FCHSD2: variants seen among roughly 807,000 people sequenced by gnomAD.
The protein encoded by FCHSD2 is FCH and double SH3 domains 2, also known as F-BAR and double SH3 domains protein 2.
In FCHSD2, 38 loss-of-function variants were observed where a neutral mutation model predicts 108.1. The ratio of observed to expected loss-of-function variants is 0.35; its 90% CI spans 0.27 to 0.46. The LOEUF (loss-of-function observed/expected upper bound fraction) is 0.46. FCHSD2 is among the 20% of genes least tolerant of loss of function. The pLI is 1.00. For missense variants in FCHSD2, 751 were observed against 897.8 expected, an observed-to-expected ratio of 0.84 and a Z score of 2.09; for synonymous variants, 279 against 314.7, an observed-to-expected ratio of 0.89 and a Z score of 1.20.
At chr11:73,089,136 T>C (rs1732833098) in intron 2 of FCHSD2, among the ~76,000 whole-genome samples, 1 of 152,220 alleles carries the variant, frequency 6.6e-6, no homozygotes, top group Non-Finnish European at 1.5e-5. Context: ...CTATTCATTA[T>C]AATGTATCAT....
At chr11:72,865,268 C>T (rs1053147396) in intron 13 of FCHSD2, among the ~76,000 whole-genome samples, 1 of 152,190 alleles carries the variant, frequency 6.6e-6, no homozygotes, top group Admixed American at 6.5e-5. Flanking sequence ...ATACAACCCC[C>T]TCTAAATAAT....
chr11:73,019,521 T>G (rs1858050615), intron 3 of FCHSD2, among the ~76,000 whole-genome samples: 1 of 152,270 alleles, frequency 6.6e-6, no homozygotes, highest in South Asian at 2.1e-4. Context: ...TTTCTAGAGC[T>G]CTAAACCACA....
chr11:73,071,647 G>A (rs750717524), intron 3 of FCHSD2, among the ~76,000 whole-genome samples: 4 of 152,206 alleles, frequency 2.6e-5, no homozygotes, highest in Non-Finnish European at 4.4e-5. Context: ...GCTGCAGTGA[G>A]CCGAGATCAT....
chr11:73,132,410 T>G (rs1270266149), intron 2 of FCHSD2, among the ~76,000 whole-genome samples: 1 of 152,222 alleles, frequency 6.6e-6, no homozygotes, highest in Non-Finnish European at 1.5e-5. Flanking sequence ...TCAGAAAAGC[T>G]AAGCCACTTG....
Position 72,836,817 on chromosome 11 carries a change from A to C in FCHSD2, c.*1974T>G, listed in dbSNP as rs1050760413. ...AACTTTTTACAGCCACTGTAAAGAA[A>C]GCACATCTGCACAGAGGCTCCCTCC... On this transcript the variant is annotated 3_prime_UTR_variant, in exon 20 of 20. Transcript: ENST00000409418. The C allele has an allele frequency of 2.2e-4, 33 of 152,774 alleles. No individual in the cohort carries two copies. The highest frequency in any genetic ancestry group is 7.9e-4 in the African/African-American group (33 of 41,574). 9.5% of individuals were successfully genotyped at this position (152,774 alleles called of 1,614,324 possible).
chr11:73,015,956 A>G (rs1157074576), intron 3 of FCHSD2, 71 bp from the exon 4 acceptor site: 28 of 807,748 alleles, frequency 3.5e-5, no homozygotes, highest in South Asian at 1.0e-4. Flanking sequence ...CTTAAAATAC[A>G]TGACTTAGAA....
intron 3 of FCHSD2, among the ~76,000 whole-genome samples, chr11:73,061,984 T>A (rs972393457): frequency 1.3e-5 from 2 of 152,100 alleles, no homozygotes; most frequent in Non-Finnish European, 2.9e-5. Context: ...CCTCCTCAAG[T>A]GGGTCCCTGA....
intron 6 of FCHSD2, among the ~76,000 whole-genome samples, chr11:72,985,731 T>C (rs1857298576): frequency 6.6e-6 from 1 of 152,152 alleles, no homozygotes; most frequent in South Asian, 2.1e-4. Context: ...CACTCTTGGG[T>C]TCTTATTTCC....
chr11:73,074,179 AT>A (rs1270168915), intron 3 of FCHSD2, among the ~76,000 whole-genome samples: 4 of 152,198 alleles, frequency 2.6e-5, no homozygotes, highest in African/African-American at 9.6e-5. Flanking sequence ...GCCACAAAAT[AT>A]CACTTCAATA....
At chr11:72,900,236 C>CAA in intron 10 of FCHSD2, 2 of 1,451,804 alleles carry the variant, frequency 1.4e-6, no homozygotes, top group Non-Finnish European at 1.9e-6. Context: ...CCCTCCCGCC[C>CAA]TTGACCCACA....
At chr11:72,902,307 G>A (rs958446456) in intron 10 of FCHSD2, among the ~76,000 whole-genome samples, 6 of 152,080 alleles carry the variant, frequency 3.9e-5, no homozygotes, top group Admixed American at 1.3e-4. Flanking sequence ...TCAGGTTTCA[G>A]TAACTTGTCT....
chr11:72,918,623 G>T (rs1855921703), intron 9 of FCHSD2, among the ~76,000 whole-genome samples: 1 of 152,100 alleles, frequency 6.6e-6, no homozygotes, highest in Non-Finnish European at 1.5e-5. Flanking sequence ...AAATGATCAT[G>T]AAGTTTTTTC....
At chr11:73,073,409 G>C (rs1336601132) in intron 3 of FCHSD2, among the ~76,000 whole-genome samples, 1 of 152,184 alleles carries the variant, frequency 6.6e-6, no homozygotes, top group African/African-American at 2.4e-5. Flanking sequence ...TTCACTGCTT[G>C]AATTCCTCCA....
intron 13 of FCHSD2, among the ~76,000 whole-genome samples, chr11:72,859,053 CAG>C (rs1354139236): frequency 5.3e-5 from 8 of 152,254 alleles, no homozygotes; most frequent in Non-Finnish European, 1.0e-4. Flanking sequence ...CCTCCCTGAA[CAG>C]AGGAGATGAA....
chr11:72,949,472 AGAAAG>A (rs1466744563), intron 8 of FCHSD2, among the ~76,000 whole-genome samples: 1 of 152,134 alleles, frequency 6.6e-6, no homozygotes, highest in East Asian at 1.9e-4. Flanking sequence ...AGAAAAGAAA[AGAAAG>A]GAAAGAAAAA....
At chr11:72,981,489 CTTAAG>C (rs1267558420) in intron 8 of FCHSD2, among the ~76,000 whole-genome samples, 5 of 151,952 alleles carry the variant, frequency 3.3e-5, no homozygotes, top group Admixed American at 6.6e-5. Context: ...TTTGCTGTTG[CTTAAG>C]TTAATATAAT....
intron 2 of FCHSD2, among the ~76,000 whole-genome samples, chr11:73,130,451 T>A (rs1860970741): frequency 1.3e-5 from 2 of 152,216 alleles, no homozygotes. Flanking sequence ...TAGTCCTTAG[T>A]TTAATACCAT....
At chr11:72,858,809 G>T (rs1228972470) in intron 13 of FCHSD2, among the ~76,000 whole-genome samples, 2 of 152,120 alleles carry the variant, frequency 1.3e-5, no homozygotes, top group South Asian at 4.1e-4. Flanking sequence ...CAGGAAAATG[G>T]ATTTGTGCTT....
rs1229285761 is a variant in FCHSD2 at position 72,877,087 on chromosome 11, TC to T, written c.1147-9062del. Among the ~76,000 whole-genome samples the T allele has an allele frequency of 2.6e-5, 4 of 152,038 alleles. No individual in the cohort carries two copies. In the East Asian group the frequency reaches 5.8e-4, roughly 22 times the overall value. ...CCAGGCTGCCTCCAGTGCAGCCTCA[TC>T]CTCCTACCTCACCTCAGCCTCCTGA... On this transcript the variant is annotated intron_variant, in intron 12 of 19. Coordinates refer to ENST00000409418, the MANE Select transcript of FCHSD2 (RefSeq NM_014824.3).
Sources: gnomAD v4.1 joint callset for allele counts (sites outside exome capture counted in the v4.1 genomes callset) on GRCh38, gnomAD v4.1.1 for gene constraint, MANE v1.5 for transcripts, NCBI Gene and HGNC (gene_info 2026-07-23, HGNC 2026-07-21) for gene names.